GNAT3: variants seen among roughly 807,000 people sequenced by gnomAD.
GNAT3 encodes guanine nucleotide-binding protein G(t) subunit alpha-3.
Under a neutral mutation model 37.7 loss-of-function variants are expected in GNAT3, and 31 were observed. That is an observed-to-expected ratio of 0.82 (90% CI 0.62 to 1.11). GNAT3 has a LOEUF of 1.11. Among genes scored for constraint, GNAT3 ranks in the 50% most tolerant of loss-of-function variants. The pLI, the probability that GNAT3 is intolerant of heterozygous loss-of-function variation, is 0.00. For missense variants in GNAT3, 437 were observed against 412.5 expected, an observed-to-expected ratio of 1.06 and a Z score of -0.51; for synonymous variants, 138 against 139.8, an observed-to-expected ratio of 0.99 and a Z score of 0.09.
chr7:80,497,787 A>G (rs1385758549), intron 1 of GNAT3, among the ~76,000 whole-genome samples: 2 of 151,796 alleles, frequency 1.3e-5, no homozygotes, highest in East Asian at 1.9e-4. Flanking sequence ...TTAATGTTGT[A>G]TTTTGTTCAA....
intron 4 of GNAT3, among the ~76,000 whole-genome samples, chr7:80,475,393 TA>T (rs1790286423): frequency 6.6e-6 from 1 of 151,980 alleles, no homozygotes; most frequent in Non-Finnish European, 1.5e-5. Context: ...TTTATTGCTT[TA>T]AAAATAATTT....
chr7:80,483,029 C>T lies in GNAT3; in HGVS notation c.304-4031G>A, dbSNP rs370434067. On this transcript the variant is annotated intron_variant, in intron 3 of 7. Transcript: ENST00000398291. Reference sequence around the variant, plus strand: ...AGACCTTTTACTTTTTAAATTTGTGCGTGCATAGTTGGAGCCTACGGTAAT... The same window carrying T: ...AGACCTTTTACTTTTTAAATTTGTGTGTGCATAGTTGGAGCCTACGGTAAT... Among the ~76,000 whole-genome samples the T allele has an allele frequency of 4.1e-4, 62 of 152,012 alleles. No homozygotes were observed. In the East Asian group the frequency reaches 5.2e-3, roughly 13 times the overall value.
chr7:80,496,391 A>G, intron 1 of GNAT3, among the ~76,000 whole-genome samples: 1 of 152,172 alleles, frequency 6.6e-6, no homozygotes. Context: ...TCGGCCTCCC[A>G]AAGTGCTGGG....
chr7:80,504,691 T>C (rs747289214), intron 1 of GNAT3, among the ~76,000 whole-genome samples: 8 of 152,176 alleles, frequency 5.3e-5, no homozygotes. Context: ...GGTGATAGAA[T>C]TTATAGCACA....
intron 7 of GNAT3, among the ~76,000 whole-genome samples, chr7:80,460,226 G>A (rs1790027261): frequency 1.3e-5 from 2 of 152,252 alleles, no homozygotes; most frequent in South Asian, 4.2e-4. Flanking sequence ...GTAAGAAAAT[G>A]CTACATGTCA....
At chr7:80,495,298 T>C (rs185958126) in intron 1 of GNAT3, among the ~76,000 whole-genome samples, 2 of 152,266 alleles carry the variant, frequency 1.3e-5, no homozygotes, top group African/African-American at 4.8e-5. Context: ...CTCGGAGAAA[T>C]ATCCATACTA....
At position 80,494,638 on chromosome 7, in the gene GNAT3, T is replaced by G; in HGVS notation, c.128A>C (p.Glu43Ala). 6.6e-7 allele frequency: 1 copy of G among 1,526,660 alleles called. No homozygotes were observed. The highest frequency in any genetic ancestry group is 9.0e-7 in the Non-Finnish European group (1 of 1,114,268). 94.6% of individuals were successfully genotyped at this position (1,526,660 alleles called of 1,614,324 possible). Residue 43 changes from glutamate to alanine, a missense_variant, in exon 2 of 8, where the codon GAA becomes GCA. Coordinates refer to ENST00000398291, the MANE Select transcript of GNAT3 (RefSeq NM_001102386.3). The part of the protein sequence containing the change: ...TVKLLLLGAG[E>A]SGKSTIVKQM... ...TTTAACAATAGTACTTTTCCCAGATTCTCCTGCTCCTGCAACATAAAAAGA... is the reference window on the plus strand; with the variant it reads ...TTTAACAATAGTACTTTTCCCAGATGCTCCTGCTCCTGCAACATAAAAAGA...
rs777312113 is a variant in GNAT3, at chr7:80,462,260, T to G, written c.773A>C (p.Tyr258Ser). The G allele has an allele frequency of 6.2e-7, 1 of 1,612,636 alleles. No individual in the cohort carries two copies. ...HLFNSICNHK[Y>S]FSTTSIVLFL... ...CAGGACAATGGAGGTTGTTGAAAAATACTTGTGATTACAGATACTGTTGAA... is the reference window on the plus strand; with the variant it reads ...CAGGACAATGGAGGTTGTTGAAAAAGACTTGTGATTACAGATACTGTTGAA... Residue 258 changes from tyrosine (Y) to serine (S), a missense_variant, in exon 7 of 8, where the codon TAT becomes TCT. By Grantham distance (144) the Tyr-to-Ser change is moderately radical. Transcript: ENST00000398291.
intron 1 of GNAT3, among the ~76,000 whole-genome samples, chr7:80,504,654 G>A (rs993584872): frequency 3.3e-5 from 5 of 152,166 alleles, no homozygotes; most frequent in African/African-American, 1.2e-4. Context: ...AAAATAATTA[G>A]TGGAACAAAA....
At chr7:80,504,869 G>A (rs1219297858) in intron 1 of GNAT3, among the ~76,000 whole-genome samples, 2 of 152,182 alleles carry the variant, frequency 1.3e-5, no homozygotes, top group African/African-American at 4.8e-5. Flanking sequence ...CAAGATGAAA[G>A]TGATGTTGGA....
intron 1 of GNAT3, among the ~76,000 whole-genome samples, chr7:80,506,310 G>A (rs1297593696): frequency 1.3e-5 from 2 of 152,152 alleles, no homozygotes; most frequent in East Asian, 3.8e-4. Context: ...GCTAAGTGTG[G>A]AATGTTTTAC....
At chr7:80,461,660 G>C (rs980973498) in intron 7 of GNAT3, among the ~76,000 whole-genome samples, 1 of 151,810 alleles carries the variant, frequency 6.6e-6, no homozygotes, top group Non-Finnish European at 1.5e-5. Context: ...ACTTACAATC[G>C]CTGACTAACA....
At chr7:80,490,950 G>C (rs1318709886) in intron 2 of GNAT3, among the ~76,000 whole-genome samples, 1 of 152,112 alleles carries the variant, frequency 6.6e-6, no homozygotes, top group Non-Finnish European at 1.5e-5. Context: ...GGAGGATGAA[G>C]ACATCGGCAA....
chr7:80,478,819 C>T (rs1362779666), intron 4 of GNAT3, 22 bp downstream of exon 4: 1 of 1,606,220 alleles, frequency 6.2e-7, no homozygotes, highest in African/African-American at 1.3e-5. Context: ...CCTCCAATTC[C>T]CCTTAAAGTG....
Position 80,458,780 on chromosome 7 carries a change from A to C in GNAT3, c.956T>G (p.Ile319Ser). Reference protein sequence around the residue: ...DLNLKKEDKEIYSHMTCATDT... With the variant: ...DLNLKKEDKESYSHMTCATDT... The stretch of plus-strand genomic sequence containing the variant: ...AGTAGCACAGGTCATGTGGGAATAA[A>C]TTTCCTTATCTTCTTTTTTTAAATT... Residue 319 changes from isoleucine (I) to serine (S), a missense_variant, in exon 8 of 8, where the codon ATT (isoleucine) becomes AGT (serine). Physicochemically the swap from Ile to Ser is moderately radical, Grantham distance 142. Coordinates refer to ENST00000398291, the MANE Select transcript of GNAT3 (RefSeq NM_001102386.3). 6.3e-7 allele frequency: 1 copy of C among 1,597,906 alleles called. No homozygotes were observed. The highest frequency in any genetic ancestry group is 8.5e-7 in the Non-Finnish European group (1 of 1,171,400).
In GNAT3 at chr7:80,462,222, T is replaced by C; in HGVS notation, c.811A>G (p.Lys271Glu). ...TTSIVLFLNK[K>E]DIFQEKVTKV... Reference sequence around the variant, plus strand: ...GTTACCTTTTCTTGAAAGATATCTTTTTTGTTGAGGAACAGGACAATGGAG... The same window carrying C: ...GTTACCTTTTCTTGAAAGATATCTTCTTTGTTGAGGAACAGGACAATGGAG... The change falls in exon 7 of 8, where the codon AAA becomes GAA. Residue 271 changes from lysine to glutamate, a missense_variant. Physicochemically the swap from Lys to Glu is moderately conservative, Grantham distance 56. Transcript: ENST00000398291. The C allele has an allele frequency of 6.2e-7, 1 of 1,608,858 alleles. No homozygotes were observed. Among genetic ancestry groups the C allele is most frequent in the East Asian group, 2.2e-5 (1 of 44,754 alleles).
chr7:80,484,160 C>T (rs1253645138), intron 3 of GNAT3, among the ~76,000 whole-genome samples: 1 of 151,916 alleles, frequency 6.6e-6, no homozygotes, highest in Non-Finnish European at 1.5e-5. Context: ...ACAGATTACT[C>T]AGAACTTCAT....
chr7:80,472,838 CTG>C (rs1476730424), intron 5 of GNAT3, among the ~76,000 whole-genome samples: 2 of 152,170 alleles, frequency 1.3e-5, no homozygotes, highest in African/African-American at 4.8e-5. Flanking sequence ...AAAAGGTTAA[CTG>C]TGTTTCTTAA....
At chr7:80,493,339 C>A (rs1220438822) in intron 2 of GNAT3, among the ~76,000 whole-genome samples, 1 of 152,058 alleles carries the variant, frequency 6.6e-6, no homozygotes, top group African/African-American at 2.4e-5. Flanking sequence ...TCCCAGGGAA[C>A]AGAATAAAGG....
Sources: allele counts gnomAD v4.1 joint callset (sites outside exome capture counted in the v4.1 genomes callset), GRCh38; gene constraint gnomAD v4.1.1; transcripts MANE v1.5; gene names NCBI Gene and HGNC (gene_info 2026-07-23, HGNC 2026-07-21).